Variants in MYRIP observed in about 807,000 individuals in gnomAD.
The protein encoded by MYRIP is rab effector MyRIP.
MYRIP carries 49 observed loss-of-function variants against 98.0 expected under a neutral mutation model. That is an observed-to-expected ratio of 0.50 (90% CI 0.40 to 0.63). The LOEUF (loss-of-function observed/expected upper bound fraction) is 0.63. MYRIP is among the 30% of genes least tolerant of loss of function. MYRIP has a pLI of 0.00. For missense variants in MYRIP, 1,004 were observed against 1,058.2 expected (o/e 0.95, Z 0.71); for synonymous variants, 404 against 409.5 (o/e 0.99, Z 0.16).
chr3:40,072,964 T>C lies in MYRIP; in HGVS notation c.332+28693T>C, dbSNP rs9811488. Among the ~76,000 whole-genome samples the C allele has an allele frequency of 6.8e-3, 1,042 of 152,354 alleles. 16 individuals are homozygous for C. The highest frequency in any genetic ancestry group is 0.024 in the African/African-American group (992 of 41,574). ...ATATTCTTTATGATCTTTTAATCTA[T>C]GTGTTGCATCATTTTTGAAAAAGGT... On this transcript the variant is annotated intron_variant, in intron 3 of 16. Transcript: ENST00000302541.
intron 1 of MYRIP, among the ~76,000 whole-genome samples, chr3:39,831,224 A>G (rs1016736564): frequency 2.0e-5 from 3 of 152,062 alleles, no homozygotes; most frequent in African/African-American, 7.2e-5. Context: ...CTTACCTCCT[A>G]TAGACTCATC....
intron 3 of MYRIP, among the ~76,000 whole-genome samples, chr3:40,132,592 T>C (rs1949668461): frequency 6.6e-6 from 1 of 152,240 alleles, no homozygotes; most frequent in Non-Finnish European, 1.5e-5. Context: ...AGGCCCTGGG[T>C]TCCCCTAGGG....
At chr3:40,247,690 A>G (rs1356432807) in intron 13 of MYRIP, among the ~76,000 whole-genome samples, 1 of 152,036 alleles carries the variant, frequency 6.6e-6, no homozygotes, top group African/African-American at 2.4e-5. Context: ...CGTCCAGCTA[A>G]TTTTTGTATT....
intron 12 of MYRIP, among the ~76,000 whole-genome samples, chr3:40,239,235 A>G (rs1952922499): frequency 1.3e-5 from 2 of 151,294 alleles, no homozygotes; most frequent in Non-Finnish European, 2.9e-5. Flanking sequence ...AAGGACATGA[A>G]CTCATCATTT....
intron 11 of MYRIP, among the ~76,000 whole-genome samples, chr3:40,224,406 T>C (rs1204198154): frequency 9.7e-6 from 1 of 103,094 alleles, no homozygotes; most frequent in Admixed American, 9.6e-5. Flanking sequence ...ACAGTCAGTA[T>C]AAAAAAGCAA....
chr3:40,137,432 C>A (rs1575567973), intron 3 of MYRIP, among the ~76,000 whole-genome samples: 1 of 152,144 alleles, frequency 6.6e-6, no homozygotes, highest in Non-Finnish European at 1.5e-5. Flanking sequence ...CAGATGGATT[C>A]ACAGCCAAAT....
chr3:39,907,473 C>T (rs1409098512), intron 2 of MYRIP, among the ~76,000 whole-genome samples: 5 of 152,102 alleles, frequency 3.3e-5, no homozygotes, highest in South Asian at 2.1e-4. Context: ...GCTGGTGTGA[C>T]TCTACTACCT....
At chr3:40,248,776 C>T (rs2125719644) in intron 13 of MYRIP, among the ~76,000 whole-genome samples, 1 of 152,246 alleles carries the variant, frequency 6.6e-6, no homozygotes, top group African/African-American at 2.4e-5. Flanking sequence ...TTCTCAGAGG[C>T]TTGTGTAATT....
intron 1 of MYRIP, among the ~76,000 whole-genome samples, chr3:39,857,280 A>AGGAAGGAAGGAAGGAAGG (rs1191725155): frequency 3.3e-5 from 5 of 151,918 alleles, no homozygotes; most frequent in Admixed American, 6.6e-5. Flanking sequence ...GAAGGAAGGA[A>AGGAAGGAAGGAAGGAAGG]AAATGAGTAT....
intron 2 of MYRIP, among the ~76,000 whole-genome samples, chr3:40,025,095 C>A (rs1575473717): frequency 1.3e-5 from 2 of 152,150 alleles, no homozygotes; most frequent in East Asian, 3.9e-4. Flanking sequence ...CAGTCTCTCC[C>A]AACATCCATG....
At chr3:39,838,681 GT>G (rs1941701413) in intron 1 of MYRIP, among the ~76,000 whole-genome samples, 2 of 151,920 alleles carry the variant, frequency 1.3e-5, no homozygotes, top group Admixed American at 6.6e-5. Flanking sequence ...TTTTTTTGTT[GT>G]GTCTCTGCCA....
At chr3:39,828,166 A>G (rs1941329654) in intron 1 of MYRIP, among the ~76,000 whole-genome samples, 1 of 151,940 alleles carries the variant, frequency 6.6e-6, no homozygotes, top group Non-Finnish European at 1.5e-5. Flanking sequence ...TTATTTTATT[A>G]AGTATATTTT....
chr3:40,102,197 C>T (rs971507686), intron 3 of MYRIP, among the ~76,000 whole-genome samples: 20 of 152,118 alleles, frequency 1.3e-4, no homozygotes, highest in Non-Finnish European at 2.8e-4. Context: ...TCTATGCTAA[C>T]CTTTCTAAGG....
chr3:40,226,630 G>T (rs140847463), intron 11 of MYRIP, among the ~76,000 whole-genome samples: 1 of 152,154 alleles, frequency 6.6e-6, no homozygotes, highest in Non-Finnish European at 1.5e-5. Flanking sequence ...ACAAATCCCG[G>T]CTTCTTCAAG....
At chr3:40,109,917 C>T (rs1949124135) in intron 3 of MYRIP, among the ~76,000 whole-genome samples, 1 of 152,242 alleles carries the variant, frequency 6.6e-6, no homozygotes, top group African/African-American at 2.4e-5. Context: ...GCTGTCTTAG[C>T]TATGTCCTCA....
intron 2 of MYRIP, among the ~76,000 whole-genome samples, chr3:39,976,859 A>G (rs1449500605): frequency 6.6e-6 from 1 of 152,152 alleles, no homozygotes; most frequent in Non-Finnish European, 1.5e-5. Flanking sequence ...GAACACATGG[A>G]CACAGGAAGG....
At chr3:40,096,634 G>A (rs1948840133) in intron 3 of MYRIP, among the ~76,000 whole-genome samples, 3 of 152,158 alleles carry the variant, frequency 2.0e-5, no homozygotes, top group Admixed American at 2.0e-4. Context: ...TCACTAGGAG[G>A]ACTCTGTGGT....
At chr3:39,998,223 A>C (rs1946418918) in intron 2 of MYRIP, among the ~76,000 whole-genome samples, 1 of 152,250 alleles carries the variant, frequency 6.6e-6, no homozygotes. Flanking sequence ...GTATGCAATT[A>C]GGAAAAGAGG....
At chr3:39,899,125 T>C (rs995613306) in intron 1 of MYRIP, among the ~76,000 whole-genome samples, 3 of 152,168 alleles carry the variant, frequency 2.0e-5, no homozygotes, top group African/African-American at 7.2e-5. Flanking sequence ...CATTCCACTT[T>C]GGTTTTACCA....
Sources: allele counts gnomAD v4.1 joint callset (sites outside exome capture counted in the v4.1 genomes callset), GRCh38; gene constraint gnomAD v4.1.1; transcripts MANE v1.5; gene names NCBI Gene and HGNC (gene_info 2026-07-23, HGNC 2026-07-21).